BLTP3B: variants seen among roughly 807,000 people sequenced by gnomAD.
BLTP3B encodes bridge-like lipid transfer protein family member 3B.
the BLTP3B span, among the ~76,000 whole-genome samples, chr12:100,065,190 T>C: frequency 6.6e-6 from 1 of 152,164 alleles, no homozygotes; most frequent in African/African-American, 2.4e-5. Flanking sequence ...CTTAATCCTG[T>C]TATCTTCGTA....
the BLTP3B span, among the ~76,000 whole-genome samples, chr12:100,131,023 GAGAGAGAGAGAA>G: frequency 6.2e-4 from 85 of 136,350 alleles, no homozygotes; most frequent in African/African-American, 2.1e-3. Context: ...GAGAGAGAGA[GAGAGAGAGAGAA>G]AGAGTTTTTT....
the BLTP3B span, chr12:100,142,815 G>A: frequency 5.8e-6 from 5 of 862,878 alleles, no homozygotes; most frequent in Non-Finnish European, 8.4e-6. Context: ...GGAGCATCAC[G>A]CTCAGGCCGC....
chr12:100,048,501 T>G, the BLTP3B span, among the ~76,000 whole-genome samples: 2 of 152,124 alleles, frequency 1.3e-5, no homozygotes, highest in Non-Finnish European at 2.9e-5. Context: ...TGTACCTAAC[T>G]ATACATTCAA....
chr12:100,099,230 A>T, the BLTP3B span, among the ~76,000 whole-genome samples: 2 of 151,746 alleles, frequency 1.3e-5, no homozygotes, highest in African/African-American at 4.8e-5. Flanking sequence ...CTGTCCTCAG[A>T]TGATCTGCCC....
At chr12:100,051,187 G>A in the BLTP3B span, 4 of 1,611,374 alleles carry the variant, frequency 2.5e-6, no homozygotes, top group Non-Finnish European at 3.4e-6. Flanking sequence ...TTTCTGCTGT[G>A]CCCCTGTAAT....
At chr12:100,101,653 C>G in the BLTP3B span, among the ~76,000 whole-genome samples, 1 of 152,158 alleles carries the variant, frequency 6.6e-6, no homozygotes, top group Non-Finnish European at 1.5e-5. Flanking sequence ...TAACTTCTAA[C>G]TTTTCAAAAA....
chr12:100,104,031 T>C, the BLTP3B span: 1 of 1,059,698 alleles, frequency 9.4e-7, no homozygotes, highest in South Asian at 1.6e-5. Context: ...AGGTGTTATA[T>C]TAATATAGGA....
chr12:100,107,899 G>A, the BLTP3B span, among the ~76,000 whole-genome samples: 1 of 151,904 alleles, frequency 6.6e-6, no homozygotes, highest in Admixed American at 6.6e-5. Context: ...ACCATGTTGG[G>A]CTATTTTTTT....
chr12:100,051,296 C>T, the BLTP3B span: 1 of 1,313,628 alleles, frequency 7.6e-7, no homozygotes, highest in Non-Finnish European at 1.0e-6. Context: ...GCTTATTTAA[C>T]AAAAATGGAC....
At chr12:100,121,521 T>C in the BLTP3B span, among the ~76,000 whole-genome samples, 1 of 152,142 alleles carries the variant, frequency 6.6e-6, no homozygotes, top group Non-Finnish European at 1.5e-5. Flanking sequence ...AATGGTATTA[T>C]GATTACATAT....
At chr12:100,089,420 C>T in the BLTP3B span, among the ~76,000 whole-genome samples, 18 of 151,936 alleles carry the variant, frequency 1.2e-4, no homozygotes, top group African/African-American at 4.1e-4. Context: ...ATTAGCTGGG[C>T]GTGGTGCCGC....
the BLTP3B span, among the ~76,000 whole-genome samples, chr12:100,087,528 C>T: frequency 6.6e-6 from 1 of 152,282 alleles, no homozygotes; most frequent in East Asian, 1.9e-4. Flanking sequence ...TACCATGCAA[C>T]ACTCTCAGCA....
At chr12:100,121,023 G>GA in the BLTP3B span, among the ~76,000 whole-genome samples, 1 of 151,966 alleles carries the variant, frequency 6.6e-6, no homozygotes, top group Non-Finnish European at 1.5e-5. Flanking sequence ...AAGAAGCCAG[G>GA]AAAAAATGCA....
At chr12:100,089,115 C>T in the BLTP3B span, 3 of 1,455,954 alleles carry the variant, frequency 2.1e-6, no homozygotes, top group South Asian at 1.6e-5. Flanking sequence ...TTCGAAACTG[C>T]CTTATCACTG....
chr12:100,130,949 C>CATACATACATACATACATACATATAT, the BLTP3B span, among the ~76,000 whole-genome samples: 626 of 97,570 alleles, frequency 6.4e-3, 4 homozygotes, highest in South Asian at 8.9e-3. Context: ...TACATACATA[C>CATACATACATACATACATACATATAT]ATATATATAT....
chr12:100,045,087 A>G, the BLTP3B span, among the ~76,000 whole-genome samples: 79 of 152,236 alleles, frequency 5.2e-4, no homozygotes, highest in African/African-American at 1.7e-3. Flanking sequence ...CCACTGCTCA[A>G]TTAAATAAAA....
chr12:100,142,778 C>T, the BLTP3B span: 1 of 1,272,810 alleles, frequency 7.9e-7, no homozygotes, highest in South Asian at 1.5e-5. Flanking sequence ...AGGCCCCGGC[C>T]AAGGCCACAG....
chr12:100,118,438 A>G, the BLTP3B span, among the ~76,000 whole-genome samples: 1 of 152,276 alleles, frequency 6.6e-6, no homozygotes, highest in East Asian at 1.9e-4. Context: ...GGTCTTCAAA[A>G]ACAAGGAACG....
the BLTP3B span, among the ~76,000 whole-genome samples, chr12:100,042,406 G>A: frequency 6.6e-6 from 1 of 152,128 alleles, no homozygotes; most frequent in Non-Finnish European, 1.5e-5. Context: ...TGGTAATCAA[G>A]ACAGTGTGGT....
Sources: allele counts gnomAD v4.1 joint callset (sites outside exome capture counted in the v4.1 genomes callset), GRCh38; gene constraint gnomAD v4.1.1; transcripts MANE v1.5; gene names NCBI Gene and HGNC (gene_info 2026-07-23, HGNC 2026-07-21).